DAB1: variants seen among roughly 807,000 people sequenced by gnomAD.
DAB1 encodes the protein disabled homolog 1.
Under a neutral mutation model 64.6 loss-of-function variants are expected in DAB1, and 15 were observed. The observed-to-expected ratio is 0.23, with a 90% confidence interval of 0.16 to 0.36. The LOEUF (loss-of-function observed/expected upper bound fraction) is 0.36. Among genes scored for constraint, DAB1 ranks in the 10% least tolerant of loss-of-function variants. DAB1 has a pLI of 1.00. For synonymous variants in DAB1, 235 were observed against 251.9 expected (o/e 0.93, Z 0.64); for missense variants, 596 against 706.7 (o/e 0.84, Z 1.78).
chr1:57,503,957 G>A lies in DAB1; in HGVS notation n.625+145635C>T, dbSNP rs1425790099. Among the ~76,000 whole-genome samples, 4 of 152,152 alleles carry A rather than the reference G, an allele frequency of 2.6e-5. No individual in the cohort carries two copies. In the South Asian group the frequency reaches 6.2e-4, roughly 24 times the overall value. On this transcript the variant is annotated intron_variant and non_coding_transcript_variant, in intron 7 of 20. Transcript: ENST00000485760. ...AAATGAGAATAACAGGGTCTTCACC[G>A]GATTGTTGCAAGGGTTAAATGAGTT...
chr1:58,153,234 G>A (rs144952168), intron 4 of DAB1, among the ~76,000 whole-genome samples: 124 of 152,262 alleles, frequency 8.1e-4, no homozygotes, highest in African/African-American at 2.7e-3. Context: ...CAACTTTAGC[G>A]TGTTTGCTGA....
chr1:57,570,898 G>A (rs1362214086), intron 7 of DAB1, among the ~76,000 whole-genome samples: 2 of 152,132 alleles, frequency 1.3e-5, no homozygotes, highest in African/African-American at 2.4e-5. Context: ...AGTTTTCTTT[G>A]TAGAGGTCTT....
intron 6 of DAB1, among the ~76,000 whole-genome samples, chr1:57,743,961 C>A (rs988956365): frequency 6.6e-6 from 1 of 152,268 alleles, no homozygotes; most frequent in African/African-American, 2.4e-5. Flanking sequence ...ATCCCTCATG[C>A]ATTTGTTTGT....
intron 7 of DAB1, among the ~76,000 whole-genome samples, chr1:57,454,865 A>G (rs982181534): frequency 2.0e-5 from 3 of 152,184 alleles, no homozygotes; most frequent in Non-Finnish European, 4.4e-5. Context: ...AATAAACAAA[A>G]AGAAATCTCT....
chr1:57,460,441 A>T (rs17115830), intron 7 of DAB1, among the ~76,000 whole-genome samples: 6,406 of 152,304 alleles, frequency 0.042, 211 homozygotes, highest in East Asian at 0.17. Context: ...GTTAAACAGA[A>T]GACTGAATCC....
intron 6 of DAB1, among the ~76,000 whole-genome samples, chr1:57,761,255 G>C (rs903628460): frequency 1.3e-5 from 2 of 152,162 alleles, no homozygotes; most frequent in African/African-American, 2.4e-5. Context: ...TTTTAACAAG[G>C]AACTAGAAGA....
chr1:58,009,357 T>C (rs546765104), intron 5 of DAB1, among the ~76,000 whole-genome samples: 10 of 152,302 alleles, frequency 6.6e-5, no homozygotes, highest in African/African-American at 2.4e-4. Flanking sequence ...AGATAAACAA[T>C]GAACAATGTT....
chr1:57,134,797 A>G (rs1459955248), intron 4 of DAB1, among the ~76,000 whole-genome samples: 1 of 152,124 alleles, frequency 6.6e-6, no homozygotes, highest in Non-Finnish European at 1.5e-5. Flanking sequence ...TGCCTCTGTC[A>G]CCCCTTACTG....
At chr1:57,491,406 T>G (rs960815425) in intron 7 of DAB1, among the ~76,000 whole-genome samples, 1 of 151,982 alleles carries the variant, frequency 6.6e-6, no homozygotes, top group African/African-American at 2.4e-5. Flanking sequence ...CTAGCCTGGG[T>G]GACAGAGCGA....
At chr1:57,650,689 T>C (rs890998568) in intron 6 of DAB1, among the ~76,000 whole-genome samples, 2 of 152,176 alleles carry the variant, frequency 1.3e-5, no homozygotes, top group Non-Finnish European at 2.9e-5. Context: ...ACAGAGAGCA[T>C]GCATTATTTT....
chr1:58,199,270 T>C (rs572814095), intron 4 of DAB1, among the ~76,000 whole-genome samples: 1 of 152,328 alleles, frequency 6.6e-6, no homozygotes, highest in South Asian at 2.1e-4. Flanking sequence ...TTTAGTTATG[T>C]GAACTCTCCA....
At chr1:57,452,607 G>C (rs1010903517) in intron 7 of DAB1, among the ~76,000 whole-genome samples, 3 of 152,076 alleles carry the variant, frequency 2.0e-5, no homozygotes, top group African/African-American at 7.2e-5. Flanking sequence ...TGATGGTGGT[G>C]GGGGGCGCGG....
At chr1:57,964,614 TTGTTTACACCCC>T (rs1215496605) in intron 5 of DAB1, among the ~76,000 whole-genome samples, 182 of 152,334 alleles carry the variant, frequency 1.2e-3, no homozygotes, top group African/African-American at 4.2e-3. Flanking sequence ...GACATTACAA[TTGTTTACACCCC>T]TGCCTTCCCC....
chr1:57,390,909 A>G (rs1682295721), intron 1 of DAB1, among the ~76,000 whole-genome samples: 2 of 152,184 alleles, frequency 1.3e-5, no homozygotes, highest in Non-Finnish European at 2.9e-5. Flanking sequence ...CTTCTCCTAA[A>G]TACATCTGTA....
chr1:58,162,237 A>G (rs1203102013), intron 4 of DAB1, among the ~76,000 whole-genome samples: 1 of 152,212 alleles, frequency 6.6e-6, no homozygotes, highest in Non-Finnish European at 1.5e-5. Flanking sequence ...CGAGACTGAC[A>G]ACGATCCTGT....
chr1:58,376,209 G>C (rs1003971074), intron 3 of DAB1, among the ~76,000 whole-genome samples: 1 of 147,276 alleles, frequency 6.8e-6, no homozygotes, highest in African/African-American at 2.5e-5. Flanking sequence ...GTTATTTCTT[G>C]CCTTCTGCTA....
Position 57,877,558 on chromosome 1 carries a change from T to TA in DAB1, n.87+6440_87+6441insT. On this transcript the variant is annotated intron_variant and non_coding_transcript_variant, in intron 1 of 1. Transcript: ENST00000477280. ...CCTAATTGATTTATTTTTTTTTTTT[T>TA]TTTTTTTTTTTTTGAGACGGAGTCT... Among the ~76,000 whole-genome samples the TA allele has an allele frequency of 9.5e-5, 2 of 21,090 alleles. 1 individual carries two copies. The highest frequency in any genetic ancestry group is 1.9e-3 in the South Asian group (2 of 1,080). 13.8% of individuals were successfully genotyped at this position (21,090 alleles called of 152,430 possible).
intron 4 of DAB1, among the ~76,000 whole-genome samples, chr1:58,302,324 G>T (rs1247609853): frequency 6.6e-6 from 1 of 152,090 alleles, no homozygotes; most frequent in African/African-American, 2.4e-5. Flanking sequence ...AGGGACACTG[G>T]ATGGTGTTTA....
At chr1:57,732,394 T>C (rs1484021646) in intron 6 of DAB1, among the ~76,000 whole-genome samples, 3 of 152,144 alleles carry the variant, frequency 2.0e-5, no homozygotes. Context: ...GACGGCTAAG[T>C]GTCAGGATCA....
Sources: allele counts gnomAD v4.1 joint callset (sites outside exome capture counted in the v4.1 genomes callset), GRCh38; gene constraint gnomAD v4.1.1; transcripts MANE v1.5; gene names NCBI Gene and HGNC (gene_info 2026-07-23, HGNC 2026-07-21).